Variants in KRT4 observed in about 807,000 individuals in gnomAD.
KRT4 encodes the protein keratin, type II cytoskeletal 4.
Under a neutral mutation model 50.6 loss-of-function variants are expected in KRT4, and 47 were observed. The ratio of observed to expected loss-of-function variants is 0.93; its 90% confidence interval spans 0.73 to 1.18. The LOEUF (loss-of-function observed/expected upper bound fraction) is 1.18. KRT4 is among the 50% of genes most tolerant of loss of function. The pLI is 0.00. For synonymous variants in KRT4, 254 were observed against 251.2 expected (o/e 1.01, Z -0.10); for missense variants, 651 against 645.7 (o/e 1.01, Z -0.09).
At position 52,813,883 on chromosome 12, in the gene KRT4, T is replaced by C. The variant is rs1254737250; in HGVS notation, c.176A>G (p.Lys59Arg). Reference sequence around the variant, plus strand: ...CCCAGCCACACTCATGGAGATGCTTTTGTTCCCCCTGAGGTTGTAGAGGCT... The same window carrying C: ...CCCAGCCACACTCATGGAGATGCTTCTGTTCCCCCTGAGGTTGTAGAGGCT... ...SRSLYNLRGNKSISMSVAGSR... is the reference protein window; with the variant it reads ...SRSLYNLRGNRSISMSVAGSR... The change falls in exon 1 of 9, where the codon AAA becomes AGA. Residue 59 changes from lysine to arginine, a missense_variant. Physicochemically the swap from Lys to Arg is conservative, Grantham distance 26. Coordinates refer to ENST00000551956, the MANE Select transcript of KRT4 (RefSeq NM_002272.4). The C allele has an allele frequency of 1.8e-6, 2 of 1,095,908 alleles. No homozygotes were observed. The highest frequency in any genetic ancestry group is 2.2e-6 in the Non-Finnish European group (2 of 899,894). The allele number at this position is 1,095,908 out of a possible 1,614,324, so 67.9% of individuals were successfully genotyped here.
chr12:52,811,389 GAGGTTCAGCTATTTACCCA>G (rs1939907391), intron 2 of KRT4: 1 of 279,286 alleles, frequency 3.6e-6, no homozygotes, highest in African/African-American at 2.2e-5. Context: ...GAAGCTCAGA[GAGGTTCAGCTATTTACCCA>G]AGGTCACACA....
chr12:52,807,984 C>G, intron 6 of KRT4, 120 bp from the exon 7 acceptor site: 2 of 921,662 alleles, frequency 2.2e-6, no homozygotes, highest in Non-Finnish European at 3.4e-6. Flanking sequence ...ATCTGTTCTG[C>G]CCACTTTCCC....
Position 52,813,785 on chromosome 12 carries a change from AG to A in KRT4, c.273del (p.Ser92ProfsTer67). ...CCAGGGCCACCCTTACCACTGAAGGAGCCCCCAAATCCACCACCAAAGCCAC... is the reference window on the plus strand; with the variant it reads ...CCAGGGCCACCCTTACCACTGAAGGACCCCCAAATCCACCACCAAAGCCAC... ...GTGGFGGGFG[G>X]SFSGKGGPGF... is the part of the protein sequence containing the mutation. On this transcript the variant is annotated frameshift_variant, in exon 1 of 9. Transcript: ENST00000551956. LOFTEE classifies it high-confidence loss of function. The A allele has an allele frequency of 4.0e-6, 1 of 250,040 alleles. No individual in the cohort carries two copies. The allele number at this position is 250,040 out of a possible 1,614,324, so 15.5% of individuals were successfully genotyped here.
Position 52,810,650 on chromosome 12 carries a change from A to G in KRT4, c.738+106T>C. The G allele has an allele frequency of 4.5e-6, 4 of 897,584 alleles. No individual in the cohort carries two copies. The South Asian group carries it at 5.3e-5, about 12-fold the overall frequency. The allele number at this position is 897,584 out of a possible 1,614,324, so 55.6% of individuals were successfully genotyped here. On this transcript the variant is annotated intron_variant, in intron 3 of 8. Transcript: ENST00000551956. ...TATAGATCTAGATAGTTCCAAGTGA[A>G]GCAGGGATGAGGCAGAGATGGACCA... is the stretch of plus-strand genomic sequence containing the variant.
chr12:52,811,642 T>A, intron 2 of KRT4, 121 bp downstream of exon 2: 2 of 795,214 alleles, frequency 2.5e-6, no homozygotes, highest in Non-Finnish European at 2.2e-6. Flanking sequence ...CAAAACAGAC[T>A]AGAGGGCCTT....
chr12:52,812,038 C>A, intron 1 of KRT4, 61 bp from the exon 2 acceptor site: 2 of 1,319,760 alleles, frequency 1.5e-6, no homozygotes, highest in African/African-American at 1.5e-5. Context: ...GAGGGCCAGC[C>A]AAGGCAACAC....
At chr12:52,808,874 A>G in intron 4 of KRT4, 24 bp from the exon 5 acceptor site, 1 of 1,613,548 alleles carries the variant, frequency 6.2e-7, no homozygotes, top group Non-Finnish European at 8.5e-7. Flanking sequence ...GTCTCACATC[A>G]GCCCCCCCAG....
Position 52,813,552 on chromosome 12 carries a change from C to T in KRT4, c.462+45G>A, listed in dbSNP as rs776651169. 9.7e-6 allele frequency: 15 copies of T among 1,549,310 alleles called. No homozygotes were observed. In the East Asian group the frequency reaches 3.1e-4, roughly 32 times the overall value. On this transcript the variant is annotated intron_variant, in intron 1 of 8. Transcript: ENST00000551956. ...AGGTCTGAGACCCCAGGACTCAGGA[C>T]CCCTCTCTTCTAACTGCCCCTCTCC... is the stretch of plus-strand genomic sequence containing the variant.
rs1939805096 is a variant in KRT4 at position 52,806,888 on chromosome 12, A to G, written c.*181T>C. 2 of 710,208 alleles carry G rather than the reference A, an allele frequency of 2.8e-6. No homozygotes were observed. Among genetic ancestry groups the G allele is most frequent in the East Asian group, 2.7e-5 (1 of 36,754 alleles). The allele number at this position is 710,208 out of a possible 1,614,324, so 44.0% of individuals were successfully genotyped here. ...CAAGAAGTAGCTACCAAACTCCAAG[A>G]GGCAGAGTCCCTGTCCCAGCACAGA... On this transcript the variant is annotated 3_prime_UTR_variant, in exon 9 of 9. Transcript: ENST00000551956.
chr12:52,813,856 G>A lies in KRT4; in HGVS notation c.203C>T (p.Ser68Leu). Residue 68 changes from serine to leucine, a missense_variant, in exon 1 of 9, where the codon TCA becomes TTA. Ser to Leu is a moderately radical substitution (Grantham distance 145). Transcript: ENST00000551956. ...NKSISMSVAG[S>L]RQGACFGGAG... ...ACCCCCAAAGCAGGCACCTTGTCGT[G>A]ACCCAGCCACACTCATGGAGATGCT... The A allele has an allele frequency of 1.2e-6, 2 of 1,613,500 alleles. No individual in the cohort carries two copies. Among genetic ancestry groups the A allele is most frequent in the Non-Finnish European group, 1.7e-6 (2 of 1,179,504 alleles).
intron 3 of KRT4, 76 bp downstream of exon 3, chr12:52,810,680 C>T: frequency 8.2e-7 from 1 of 1,222,980 alleles, no homozygotes; most frequent in Non-Finnish European, 1.2e-6. Flanking sequence ...GGACCAAACC[C>T]ATGACTTCAG....
chr12:52,813,512 A>C (rs1939946797), intron 1 of KRT4, 85 bp downstream of exon 1: 1 of 1,220,148 alleles, frequency 8.2e-7, no homozygotes. Context: ...TCTCCCCAGC[A>C]CCTGTGGCAG....
At chr12:52,813,555 C>A (rs759818417) in intron 1 of KRT4, 42 bp downstream of exon 1, 9 of 1,571,516 alleles carry the variant, frequency 5.7e-6, no homozygotes, top group Middle Eastern at 2.0e-4. Context: ...CTCAGGACCC[C>A]TCTCTTCTAA....
Position 52,807,043 on chromosome 12 carries a change from A to G in KRT4, c.*26T>C. 1 of 1,612,190 alleles carries G rather than the reference A, an allele frequency of 6.2e-7. No homozygotes were observed. The highest frequency in any genetic ancestry group is 1.1e-5 in the South Asian group (1 of 91,018). ...ACCAGTGCTGGGCCCAGCTGGACAC[A>G]GTGAGCTGCAGGGACCTCGTCTCCT... On this transcript the variant is annotated 3_prime_UTR_variant, in exon 9 of 9. Coordinates refer to ENST00000551956, the MANE Select transcript of KRT4 (RefSeq NM_002272.4).
intron 7 of KRT4, 67 bp from the exon 8 acceptor site, chr12:52,807,460 C>T (rs377553109): frequency 6.3e-7 from 1 of 1,578,266 alleles, no homozygotes; most frequent in Non-Finnish European, 8.7e-7. Flanking sequence ...GCATGCCTCA[C>T]TCACCTCTCT....
Position 52,806,765 on chromosome 12 carries a change from TCTGGAGATGACACTC to T in KRT4, c.*289_*303del, listed in dbSNP as rs1471525550. 2.2e-6 allele frequency: 1 copy of T among 462,100 alleles called. No homozygotes were observed. The highest frequency in any genetic ancestry group is 4.0e-6 in the Non-Finnish European group (1 of 249,804). The allele number at this position is 462,100 out of a possible 1,614,324, so 28.6% of individuals were successfully genotyped here. A position where few individuals can be genotyped will look rare whatever the true frequency, so the allele number is the denominator to read the frequency against. ...AAGGGACATATGTGACCCCAATAAT[TCTGGAGATGACACTC>T]CTGGTCATTTTCTTCTCTGTCCATG... On this transcript the variant is annotated 3_prime_UTR_variant, in exon 9 of 9. Coordinates refer to ENST00000551956, the MANE Select transcript of KRT4 (RefSeq NM_002272.4).
At chr12:52,809,261 G>A in intron 4 of KRT4, 122 bp downstream of exon 4, 1 of 798,156 alleles carries the variant, frequency 1.3e-6, no homozygotes, top group Non-Finnish European at 2.3e-6. Flanking sequence ...TGACCTTGAT[G>A]AGAACCCACT....
Position 52,811,901 on chromosome 12 carries a change from G to T in KRT4, c.539C>A (p.Ser180Tyr). The T allele has an allele frequency of 6.2e-7, 1 of 1,614,084 alleles. No homozygotes were observed. The highest frequency in any genetic ancestry group is 8.5e-7 in the Non-Finnish European group (1 of 1,180,030). ...AAAGAGGGGCTCAAGGTTTTTGCTGGAGGTGGTGGTCGTCTGCTGCTGGAG... is the reference window on the plus strand; with the variant it reads ...AAAGAGGGGCTCAAGGTTTTTGCTGTAGGTGGTGGTCGTCTGCTGCTGGAG... Reference protein sequence around the residue: ...NLLQQQTTTTSSKNLEPLFET... With the variant: ...NLLQQQTTTTYSKNLEPLFET... Residue 180 changes from serine to tyrosine, a missense_variant, in exon 2 of 9, where the codon TCC (serine) becomes TAC (tyrosine). By Grantham distance (144) the Ser-to-Tyr change is moderately radical. Coordinates refer to ENST00000551956, the MANE Select transcript of KRT4 (RefSeq NM_002272.4).
chr12:52,810,722 C>T, intron 3 of KRT4, 34 bp downstream of exon 3: 1 of 1,597,224 alleles, frequency 6.3e-7, no homozygotes, highest in East Asian at 2.2e-5. Flanking sequence ...AAGGGGCACC[C>T]TGAAGGCACT....
Sources: allele counts gnomAD v4.1 joint callset, GRCh38; gene constraint gnomAD v4.1.1; transcripts MANE v1.5; gene names NCBI Gene and HGNC (gene_info 2026-07-23, HGNC 2026-07-21).